Variants in BATF3 observed in about 807,000 individuals in gnomAD.
BATF3 encodes the protein basic leucine zipper ATF-like transcription factor 3.
BATF3 carries 8 observed loss-of-function variants against 16.1 expected under a neutral mutation model. That is an observed-to-expected ratio of 0.50 (90% CI 0.29 to 0.90). The LOEUF is 0.90. Ranked by LOEUF, BATF3 falls within the 40% of genes least tolerant of loss-of-function variation. The pLI is 0.08. For synonymous variants in BATF3, 74 were observed against 72.7 expected (o/e 1.02, Z -0.09); for missense variants, 139 against 167.0 (o/e 0.83, Z 0.92).
chr1:212,689,636 C>T lies in BATF3; in HGVS notation c.196-2657G>A, dbSNP rs542562123. 7.2e-5 allele frequency among the ~76,000 whole-genome samples: 11 copies of T among 152,230 alleles called. No individual in the cohort carries two copies. The highest frequency in any genetic ancestry group is 5.9e-4 in the Admixed American group (9 of 15,286). ...TGGGAGGATGGGATGGAAGCCAGGG[C>T]GTCAAGGGAATCATGCAGGCAGCAG... On this transcript the variant is annotated intron_variant, in intron 2 of 2. Transcript: ENST00000243440. This position sits in a 1 kb window ranked among gnomAD's most constrained non-coding sequence, Gnocchi z 4.6.
chr1:212,696,849 T>C, intron 2 of BATF3, 112 bp downstream of exon 2: 1 of 792,664 alleles, frequency 1.3e-6, no homozygotes, highest in Non-Finnish European at 2.1e-6. Context: ...CTGGCAGAAA[T>C]TAGATATGAG....
chr1:212,691,968 CAGTGG>C (rs1657008826), intron 2 of BATF3, among the ~76,000 whole-genome samples: 1 of 152,256 alleles, frequency 6.6e-6, no homozygotes, highest in African/African-American at 2.4e-5. Flanking sequence ...TGAAAGCCCA[CAGTGG>C]ACTCTGAGGT....
intron 2 of BATF3, 104 bp downstream of exon 2, chr1:212,696,857 G>T (rs1657144236): frequency 1.2e-6 from 1 of 827,088 alleles, no homozygotes; most frequent in Non-Finnish European, 2.0e-6. Context: ...AATTAGATAT[G>T]AGTGTTGCTG....
intron 2 of BATF3, among the ~76,000 whole-genome samples, chr1:212,694,254 C>T (rs1558021045): frequency 6.6e-6 from 1 of 152,196 alleles, no homozygotes; most frequent in Non-Finnish European, 1.5e-5. Flanking sequence ...CCCAATATGA[C>T]CCACTTCTGA....
Position 212,686,996 on chromosome 1 carries a change from G to T in BATF3, c.196-17C>A, listed in dbSNP as rs1348889334. ...CTCATATTCCTGGGGGAGACAGAATGGGCAAAATCATTTCTGGTGCAGCGT... is the reference window on the plus strand; with the variant it reads ...CTCATATTCCTGGGGGAGACAGAATTGGCAAAATCATTTCTGGTGCAGCGT... On this transcript the variant is annotated splice_polypyrimidine_tract_variant and intron_variant, in intron 2 of 2. Transcript: ENST00000243440. 1 of 1,499,812 alleles carries T rather than the reference G, an allele frequency of 6.7e-7. No homozygotes were observed. Among genetic ancestry groups the T allele is most frequent in the Admixed American group, 1.7e-5 (1 of 59,868 alleles). 92.9% of individuals were successfully genotyped at this position (1,499,812 alleles called of 1,614,324 possible).
rs199935975 is a variant in BATF3 at position 212,696,985 on chromosome 1, G to C, written c.171C>G (p.Thr57=). The change falls in exon 2 of 3, where the codon ACC becomes ACG. Residue 57 remains threonine (T), a synonymous_variant. Coordinates refer to ENST00000243440, the MANE Select transcript of BATF3 (RefSeq NM_018664.3). ...CCTCATGGAGCTTGTCAGCCTTCTG[G>C]GTCTGCTTCTTCCGACTTCTCTGAG... ...VAAQRSRKKQ[T]QKADKLHEEY... 2 of 1,614,058 alleles carry C rather than the reference G, an allele frequency of 1.2e-6. No homozygotes were observed. Among genetic ancestry groups the C allele is most frequent in the Non-Finnish European group, 1.7e-6 (2 of 1,179,998 alleles).
At chr1:212,690,175 G>A (rs1269695382) in intron 2 of BATF3, among the ~76,000 whole-genome samples, 1 of 152,236 alleles carries the variant, frequency 6.6e-6, no homozygotes, top group African/African-American at 2.4e-5. Context: ...AACATTTTAA[G>A]TAGATTCCAA....
chr1:212,688,833 G>A (rs775969835), intron 2 of BATF3, among the ~76,000 whole-genome samples: 2 of 152,198 alleles, frequency 1.3e-5, no homozygotes, highest in African/African-American at 2.4e-5. Flanking sequence ...TGCACACCAT[G>A]CATTTCCCAA....
intron 2 of BATF3, among the ~76,000 whole-genome samples, chr1:212,692,120 T>TC (rs1657014321): frequency 6.6e-6 from 1 of 151,884 alleles, no homozygotes. Context: ...TCCCCCATTC[T>TC]CCCCTCCACA....
Position 212,695,490 on chromosome 1 carries a change from C to CAAA in BATF3, c.195+1468_195+1470dup, listed in dbSNP as rs373281690. 9.7e-4 allele frequency among the ~76,000 whole-genome samples: 41 copies of CAAA among 42,218 alleles called. 1 individual carries two copies. Among genetic ancestry groups the CAAA allele is most frequent in the Non-Finnish European group, 1.2e-3 (31 of 25,530 alleles). 27.7% of individuals were successfully genotyped at this position (42,218 alleles called of 152,430 possible). A position where few individuals can be genotyped will look rare whatever the true frequency, so the allele number is the denominator to read the frequency against. ...GCCTGGGCAAACAGAGACTCTGTCT[C>CAAA]AAAAAAAAAAAAAAAAAAAAAAAAA... is the stretch of plus-strand genomic sequence containing the variant. On this transcript the variant is annotated intron_variant, in intron 2 of 2. Coordinates refer to ENST00000243440, the MANE Select transcript of BATF3 (RefSeq NM_018664.3).
chr1:212,692,616 T>C (rs1244879099), intron 2 of BATF3, among the ~76,000 whole-genome samples: 3 of 152,104 alleles, frequency 2.0e-5, no homozygotes, highest in Non-Finnish European at 2.9e-5. Context: ...TTTTGTATTT[T>C]TAGTGGAGAT....
intron 2 of BATF3, among the ~76,000 whole-genome samples, chr1:212,696,348 G>A (rs1030130408): frequency 6.6e-6 from 1 of 152,152 alleles, no homozygotes; most frequent in South Asian, 2.1e-4. Flanking sequence ...GGTAAAGGAT[G>A]ATGAGACCAG....
In BATF3 at chr1:212,689,709, TCACACAC is replaced by T. The variant is rs1656949606; in HGVS notation, c.196-2737_196-2731del. ...CACACACACGTCTGCAAACACACAC[TCACACAC>T]TCTCATACACATTCACACACTCTTA... is the stretch of plus-strand genomic sequence containing the variant. On this transcript the variant is annotated intron_variant, in intron 2 of 2. Transcript: ENST00000243440. The surrounding 1 kb of genome is among the most constrained non-coding windows in gnomAD (Gnocchi z 4.6). Among the ~76,000 whole-genome samples the T allele has an allele frequency of 1.3e-5, 2 of 151,036 alleles. No individual in the cohort carries two copies. The highest frequency in any genetic ancestry group is 6.6e-5 in the Admixed American group (1 of 15,162).
rs772803869 is a variant in BATF3, at chr1:212,689,151, C to T, written c.196-2172G>A. ...CACTCATATGAAGTAATGTCTCCCC[C>T]CAAAGATCAGAAATGTAAAGGACCT... On this transcript the variant is annotated intron_variant, in intron 2 of 2. Transcript: ENST00000243440. The surrounding 1 kb of genome is among the most constrained non-coding windows in gnomAD (Gnocchi z 4.6). Among the ~76,000 whole-genome samples, 5 of 152,160 alleles carry T rather than the reference C, an allele frequency of 3.3e-5. No individual in the cohort carries two copies. Among genetic ancestry groups the T allele is most frequent in the African/African-American group, 9.7e-5 (4 of 41,420 alleles).
In BATF3 at chr1:212,689,823, T is replaced by TCA. The variant is rs144447732; in HGVS notation, c.196-2846_196-2845dup. ...CATACACAGCCCGACACACACACTC[T>TCA]CACACACACACACTCATACACAACC... is the stretch of plus-strand genomic sequence containing the variant. On this transcript the variant is annotated intron_variant, in intron 2 of 2. Transcript: ENST00000243440. This position sits in a 1 kb window ranked among gnomAD's most constrained non-coding sequence, Gnocchi z 4.6. Among the ~76,000 whole-genome samples the TCA allele has an allele frequency of 6.1e-5, 9 of 147,302 alleles. No individual in the cohort carries two copies. Among genetic ancestry groups the TCA allele is most frequent in the African/African-American group, 1.3e-4 (5 of 39,954 alleles).
At chr1:212,690,474 C>G (rs533506207) in intron 2 of BATF3, among the ~76,000 whole-genome samples, 1 of 152,224 alleles carries the variant, frequency 6.6e-6, no homozygotes, top group East Asian at 1.9e-4. Flanking sequence ...TTTTATTGAG[C>G]TGAGGGAATA....
chr1:212,697,007 T>C lies in BATF3; in HGVS notation c.149A>G (p.Gln50Arg). The C allele has an allele frequency of 6.2e-7, 1 of 1,614,224 alleles. No individual in the cohort carries two copies. The highest frequency in any genetic ancestry group is 8.5e-7 in the Non-Finnish European group (1 of 1,180,036). Reference protein sequence around the residue: ...RRREKNRVAAQRSRKKQTQKA... With the variant: ...RRREKNRVAARRSRKKQTQKA... ...CTGGGTCTGCTTCTTCCGACTTCTC[T>C]GAGCAGCAACTCGGTTTTTTTCTCT... The change falls in exon 2 of 3, where the codon CAG becomes CGG. Residue 50 changes from glutamine (Q) to arginine (R), a missense_variant. By Grantham distance (43) the Gln-to-Arg change is conservative. Transcript: ENST00000243440.
At chr1:212,696,887 A>G in intron 2 of BATF3, 74 bp downstream of exon 2, 1 of 1,070,994 alleles carries the variant, frequency 9.3e-7, no homozygotes. Context: ...TAAAGAGAAC[A>G]GTCATCACCC....
At chr1:212,692,120 T>C (rs1297864495) in intron 2 of BATF3, among the ~76,000 whole-genome samples, 1 of 151,884 alleles carries the variant, frequency 6.6e-6, no homozygotes, top group African/African-American at 2.4e-5. Context: ...TCCCCCATTC[T>C]CCCCTCCACA....
Sources: allele counts gnomAD v4.1 joint callset (sites outside exome capture counted in the v4.1 genomes callset), GRCh38; gene constraint gnomAD v4.1.1; non-coding constraint Gnocchi (gnomAD v3.1); transcripts MANE v1.5; gene names NCBI Gene and HGNC (gene_info 2026-07-23, HGNC 2026-07-21).